Variants in MEGF11 observed in about 807,000 individuals in gnomAD.
MEGF11 encodes the protein multiple epidermal growth factor-like domains protein 11.
In MEGF11, 126 loss-of-function variants were observed where a neutral mutation model predicts 146.6. The observed-to-expected ratio is 0.86, with a 90% confidence interval of 0.74 to 1.00. The LOEUF (loss-of-function observed/expected upper bound fraction) is 1.00, where lower values mean the gene tolerates loss of function less well. MEGF11 is among the 50% of genes least tolerant of loss of function. The probability of loss-of-function intolerance (pLI) is 0.00; values close to 1 mark genes in which losing one functional copy is unlikely to be tolerated. For synonymous variants in MEGF11, 532 were observed against 583.4 expected, an observed-to-expected ratio of 0.91 and a Z score of 1.27; for missense variants, 1,509 against 1,521.2, an observed-to-expected ratio of 0.99 and a Z score of 0.13.
chr15:66,243,124 C>T (rs576195956), intron 1 of MEGF11, among the ~76,000 whole-genome samples: 5 of 152,192 alleles, frequency 3.3e-5, no homozygotes, highest in Non-Finnish European at 5.9e-5. Context: ...ATTAACTCAC[C>T]GTGGCACTCT....
intron 10 of MEGF11, among the ~76,000 whole-genome samples, chr15:65,948,936 C>T (rs960184821): frequency 2.0e-5 from 3 of 152,104 alleles, no homozygotes; most frequent in African/African-American, 7.2e-5. Flanking sequence ...TTCCTCATTC[C>T]CGGTGCTGCA....
intron 5 of MEGF11, among the ~76,000 whole-genome samples, chr15:66,018,850 C>G (rs1041630642): frequency 6.6e-6 from 1 of 152,076 alleles, no homozygotes; most frequent in Non-Finnish European, 1.5e-5. Flanking sequence ...GGCCAGAGGC[C>G]GGGAAGCCAG....
chr15:66,227,049 G>A (rs528702886), intron 1 of MEGF11, among the ~76,000 whole-genome samples: 37 of 152,302 alleles, frequency 2.4e-4, no homozygotes, highest in Admixed American at 5.9e-4. Context: ...ACAGGTCCAC[G>A]GAGGCCTCTG....
At chr15:65,994,181 CAGAA>C (rs1002668305) in intron 5 of MEGF11, among the ~76,000 whole-genome samples, 95 of 152,336 alleles carry the variant, frequency 6.2e-4, no homozygotes, top group African/African-American at 2.2e-3. Flanking sequence ...CTCTCACACT[CAGAA>C]AGTTCTTCCC....
intron 1 of MEGF11, among the ~76,000 whole-genome samples, chr15:66,216,412 T>G (rs2091584958): frequency 6.6e-6 from 1 of 152,138 alleles, no homozygotes; most frequent in Non-Finnish European, 1.5e-5. Flanking sequence ...ACATACGAAC[T>G]CCCTTCAGCC....
At chr15:66,185,545 C>A (rs1183000457) in intron 1 of MEGF11, among the ~76,000 whole-genome samples, 1 of 152,154 alleles carries the variant, frequency 6.6e-6, no homozygotes, top group African/African-American at 2.4e-5. Context: ...AGACAAAAAT[C>A]CCCTCCAGTA....
intron 3 of MEGF11, among the ~76,000 whole-genome samples, chr15:66,119,914 A>T (rs1054379827): frequency 6.6e-6 from 1 of 152,124 alleles, no homozygotes; most frequent in Non-Finnish European, 1.5e-5. Context: ...TATGATCAAC[A>T]TCTCATTCCA....
intron 10 of MEGF11, among the ~76,000 whole-genome samples, chr15:65,933,590 G>C (rs1397590094): frequency 1.3e-5 from 2 of 152,200 alleles, no homozygotes; most frequent in African/African-American, 4.8e-5. Flanking sequence ...GACAGTCCTG[G>C]GAGGCCACTG....
At chr15:66,214,552 T>C (rs993688552) in intron 1 of MEGF11, among the ~76,000 whole-genome samples, 1 of 152,178 alleles carries the variant, frequency 6.6e-6, no homozygotes, top group African/African-American at 2.4e-5. Flanking sequence ...GGGGCAGGCC[T>C]CTGGGAGGAG....
In MEGF11 at chr15:65,913,836, A is replaced by G. The variant is rs772754642; in HGVS notation, c.2611T>C (p.Trp871Arg). 2 of 1,613,944 alleles carry G rather than the reference A, an allele frequency of 1.2e-6. No homozygotes were observed. Among genetic ancestry groups the G allele is most frequent in the Admixed American group, 3.3e-5 (2 of 60,032 alleles). Residue 871 changes from tryptophan (W) to arginine (R), a missense_variant, in exon 20 of 26, where the codon TGG (tryptophan) becomes CGG (arginine). Physicochemically the swap from Trp to Arg is moderately radical, Grantham distance 101. Transcript: ENST00000395614. ...TTCTCTTTCTGCCGCCGCCGATGCC[A>G]GGCAAATAGGCCCAGCAGCACCACA... ...LIVVLLGLFA[W>R]HRRRQKEKGR... is the part of the protein sequence containing the mutation.
At chr15:66,197,084 C>T (rs1181970812) in intron 1 of MEGF11, among the ~76,000 whole-genome samples, 1 of 152,168 alleles carries the variant, frequency 6.6e-6, no homozygotes, top group East Asian at 1.9e-4. Flanking sequence ...TAGCTCTCTT[C>T]TGTGTAAGTA....
Position 66,123,140 on chromosome 15 carries a change from G to T in MEGF11, c.200+759C>A, listed in dbSNP as rs935895985. Among the ~76,000 whole-genome samples the T allele has an allele frequency of 5.9e-5, 9 of 152,172 alleles. No homozygotes were observed. In the South Asian group the frequency reaches 1.7e-3, roughly 28 times the overall value. On this transcript the variant is annotated intron_variant, in intron 3 of 25. Coordinates refer to ENST00000395614, the MANE Select transcript of MEGF11 (RefSeq NM_001385028.1). ...CCCAAAATAAAGTGTCTTTCCCAGG[G>T]TCATCCCTTAAAGCATGTTGTTTCT...
At chr15:66,212,406 G>A (rs1036683139) in intron 1 of MEGF11, among the ~76,000 whole-genome samples, 4 of 152,104 alleles carry the variant, frequency 2.6e-5, no homozygotes, top group African/African-American at 7.2e-5. Flanking sequence ...TGCATCGTGG[G>A]GGGACTGGCT....
intron 1 of MEGF11, among the ~76,000 whole-genome samples, chr15:66,214,145 C>T (rs1028754147): frequency 1.3e-5 from 2 of 148,664 alleles, no homozygotes; most frequent in African/African-American, 5.0e-5. Flanking sequence ...AAGTGATTCT[C>T]TTGCCTCAGC....
At chr15:66,247,739 A>T (rs967107620) in intron 1 of MEGF11, among the ~76,000 whole-genome samples, 5 of 151,238 alleles carry the variant, frequency 3.3e-5, no homozygotes, top group African/African-American at 1.2e-4. Context: ...AGAGCCCTTT[A>T]AAAAAAAGAT....
intron 7 of MEGF11, 25 bp downstream of exon 7, chr15:65,980,753 A>G: frequency 6.3e-7 from 1 of 1,578,488 alleles, no homozygotes; most frequent in Non-Finnish European, 8.6e-7. Flanking sequence ...CCAGTGCCCC[A>G]CCCAGATCCT....
chr15:66,139,434 G>A (rs2089042114), intron 1 of MEGF11, among the ~76,000 whole-genome samples: 2 of 152,204 alleles, frequency 1.3e-5, no homozygotes, highest in South Asian at 2.1e-4. Context: ...CCTGCTTACT[G>A]TAAGAGAGCA....
intron 5 of MEGF11, among the ~76,000 whole-genome samples, chr15:66,082,707 CTG>C (rs1289145851): frequency 8.2e-6 from 1 of 122,078 alleles, no homozygotes; most frequent in African/African-American, 3.1e-5. Context: ...TGCGGAGGGA[CTG>C]TTTACGTGAA....
At position 66,204,156 on chromosome 15, in the gene MEGF11, C is replaced by T. The variant is rs1407955350; in HGVS notation, c.-9+49449G>A. Reference sequence around the variant, plus strand: ...GTGGCTCACACCTGTAATTACAGCACTTTGGGAGGCTGAGACAGGCAGATC... The same window carrying T: ...GTGGCTCACACCTGTAATTACAGCATTTTGGGAGGCTGAGACAGGCAGATC... On this transcript the variant is annotated intron_variant, in intron 1 of 25. Transcript: ENST00000395614. 2.6e-5 allele frequency among the ~76,000 whole-genome samples: 4 copies of T among 152,130 alleles called. No homozygotes were observed. In the East Asian group the frequency reaches 7.7e-4, roughly 29 times the overall value.
Sources: allele counts gnomAD v4.1 joint callset (sites outside exome capture counted in the v4.1 genomes callset), GRCh38; gene constraint gnomAD v4.1.1; transcripts MANE v1.5; gene names NCBI Gene and HGNC (gene_info 2026-07-23, HGNC 2026-07-21).